The following NKX2-5 variants were observed in gnomAD, a reference collection of about 807,000 sequenced individuals.
The protein encoded by NKX2-5 is NK2 homeobox 5, also known as homeobox protein Nkx-2.5.
In NKX2-5, 3 loss-of-function variants were observed where a neutral mutation model predicts 24.5. That is an observed-to-expected ratio of 0.12 (90% CI 0.06 to 0.32). The LOEUF is 0.32. Among genes scored for constraint, NKX2-5 ranks in the 10% least tolerant of loss-of-function variants. NKX2-5 has a pLI of 1.00. For synonymous variants in NKX2-5, 215 were observed against 217.6 expected, an observed-to-expected ratio of 0.99 and a Z score of 0.11; for missense variants, 429 against 452.4, an observed-to-expected ratio of 0.95 and a Z score of 0.47.
At position 173,234,751 on chromosome 5, in the gene NKX2-5, T is replaced by C; in HGVS notation, c.333A>G (p.Lys111=). The change falls in exon 1 of 2, where the codon AAA becomes AAG. Residue 111 remains lysine, a splice_region_variant and synonymous_variant. Coordinates refer to ENST00000329198, the MANE Select transcript of NKX2-5 (RefSeq NM_004387.4). The stretch of plus-strand genomic sequence containing the variant: ...AGGGGGCCTGTGTTTCCTCCTCACC[T>C]TTCTTTTCGGCTCTAGGGTCCTTGG... ...DPAKDPRAEK[K]ELCALQKAVE... 1 of 1,519,588 alleles carries C rather than the reference T, an allele frequency of 6.6e-7. No homozygotes were observed. Among genetic ancestry groups the C allele is most frequent in the South Asian group, 1.3e-5 (1 of 76,280 alleles). The allele number at this position is 1,519,588 out of a possible 1,614,324, so 94.1% of individuals were successfully genotyped here. A position where few individuals can be genotyped will look rare whatever the true frequency, so the allele number is the denominator to read the frequency against.
intron 1 of NKX2-5, chr5:173,234,360 A>C: frequency 3.0e-4 from 277 of 938,542 alleles, no homozygotes; most frequent in Non-Finnish European, 3.2e-4. Context: ...AGCGGTTCTC[A>C]TCAGATCTTT....
chr5:173,234,617 A>G, intron 1 of NKX2-5, 133 bp downstream of exon 1: 1 of 779,172 alleles, frequency 1.3e-6, no homozygotes, highest in Non-Finnish European at 1.9e-6. Flanking sequence ...AACACCAGGC[A>G]TCTTACATTC....
chr5:173,233,449 C>T (rs1387273472), intron 1 of NKX2-5: 15 of 1,514,592 alleles, frequency 9.9e-6, no homozygotes, highest in African/African-American at 1.4e-5. Context: ...TCTCTGCCCT[C>T]GGGGCAGTTC....
In NKX2-5 at chr5:173,235,087, G is replaced by T. The variant is rs1357569433; in HGVS notation, c.-4C>A. Reference sequence around the variant, plus strand: ...TGAGAGCAGGGCTGGGGAACATGGTGGCAGCGCCAGTCTCACAGCGCCAGG... The same window carrying T: ...TGAGAGCAGGGCTGGGGAACATGGTTGCAGCGCCAGTCTCACAGCGCCAGG... On this transcript the variant is annotated 5_prime_UTR_variant, in exon 1 of 2. Transcript: ENST00000329198. 1.2e-6 allele frequency: 2 copies of T among 1,600,524 alleles called. No homozygotes were observed. The highest frequency in any genetic ancestry group is 2.2e-5 in the South Asian group (2 of 89,960).
intron 1 of NKX2-5, chr5:173,233,534 A>T (rs1436190015): frequency 5.8e-5 from 55 of 955,468 alleles, no homozygotes; most frequent in African/African-American, 9.8e-5. Flanking sequence ...TAAAAAAATA[A>T]AAAAATAAAA....
In NKX2-5 at chr5:173,232,255, T is replaced by C; in HGVS notation, c.*314A>G. 1 of 407,218 alleles carries C rather than the reference T, an allele frequency of 2.5e-6. No homozygotes were observed. The highest frequency in any genetic ancestry group is 4.4e-6 in the Non-Finnish European group (1 of 227,600). 25.2% of individuals were successfully genotyped at this position (407,218 alleles called of 1,614,324 possible). Reference sequence around the variant, plus strand: ...CTGGCTCGCGGAATGGGCGGCCAGATCTCAGGCCCTGCGTGCCCGAGCTCA... The same window carrying C: ...CTGGCTCGCGGAATGGGCGGCCAGACCTCAGGCCCTGCGTGCCCGAGCTCA... On this transcript the variant is annotated 3_prime_UTR_variant, in exon 2 of 2. Transcript: ENST00000329198. The surrounding 1 kb of genome is among the most constrained non-coding windows in gnomAD (Gnocchi z 5.9).
chr5:173,232,251 C>T lies in NKX2-5; in HGVS notation c.*318G>A. On this transcript the variant is annotated 3_prime_UTR_variant, in exon 2 of 2. Coordinates refer to ENST00000329198, the MANE Select transcript of NKX2-5 (RefSeq NM_004387.4). This position sits in a 1 kb window ranked among gnomAD's most constrained non-coding sequence, Gnocchi z 5.9. ...GGCCCTGGCTCGCGGAATGGGCGGCCAGATCTCAGGCCCTGCGTGCCCGAG... is the reference window on the plus strand; with the variant it reads ...GGCCCTGGCTCGCGGAATGGGCGGCTAGATCTCAGGCCCTGCGTGCCCGAG... 2.5e-6 allele frequency: 1 copy of T among 394,104 alleles called. No homozygotes were observed. Among genetic ancestry groups the T allele is most frequent in the Non-Finnish European group, 4.5e-6 (1 of 220,228 alleles). 24.4% of individuals were successfully genotyped at this position (394,104 alleles called of 1,614,324 possible).
chr5:173,232,850 C>T lies in NKX2-5; in HGVS notation c.694G>A (p.Gly232Arg), dbSNP rs1225707941. ...VLVRDGKPCLGDSAPYAPAYG... is the reference protein window; with the variant it reads ...VLVRDGKPCLRDSAPYAPAYG... ...GCAGGCGCGTAGGGCGCCGAGTCCC[C>T]TAGGCATGGCTTGCCATCGCGCACC... is the stretch of plus-strand genomic sequence containing the variant. Residue 232 changes from glycine to arginine, a missense_variant, in exon 2 of 2, where the codon GGG (glycine) becomes AGG (arginine). By Grantham distance (125) the Gly-to-Arg change is moderately radical. Around this residue, in one of 3 missense-constraint regions of NKX2-5, gnomAD observed 183 missense variants for 185.9 expected, o/e 0.98. Transcript: ENST00000329198. The surrounding 1 kb of genome is among the most constrained non-coding windows in gnomAD (Gnocchi z 5.9). 1 of 1,611,658 alleles carries T rather than the reference C, an allele frequency of 6.2e-7. No homozygotes were observed. Among genetic ancestry groups the T allele is most frequent in the Non-Finnish European group, 8.5e-7 (1 of 1,179,330 alleles).
intron 1 of NKX2-5, chr5:173,233,965 G>A: frequency 8.2e-7 from 1 of 1,213,490 alleles, no homozygotes; most frequent in Non-Finnish European, 1.0e-6. Context: ...TTGGGCTGGG[G>A]GGTCTCCCAG....
chr5:173,233,516 A>AG, intron 1 of NKX2-5: 1 of 819,152 alleles, frequency 1.2e-6, no homozygotes, highest in Non-Finnish European at 1.9e-6. Context: ...AAAAAAAAAA[A>AG]AAATAAATAA....
In NKX2-5 at chr5:173,233,064, C is replaced by G. The variant is rs757925015; in HGVS notation, c.480G>C (p.Gln160His). 6.2e-7 allele frequency: 1 copy of G among 1,603,624 alleles called. No homozygotes were observed. The highest frequency in any genetic ancestry group is 8.5e-7 in the Non-Finnish European group (1 of 1,175,744). Residue 160 changes from glutamine to histidine, a missense_variant, in exon 2 of 2, where the codon CAG (glutamine) becomes CAC (histidine). Gln to His is a conservative substitution (Grantham distance 24, BLOSUM62 0). Around this residue, in one of 3 missense-constraint regions of NKX2-5, gnomAD observed 240 missense variants for 240.4 expected, o/e 1.00. Coordinates refer to ENST00000329198, the MANE Select transcript of NKX2-5 (RefSeq NM_004387.4). Reference sequence around the variant, plus strand: ...CGCGTTCGGGGGCCGACAGGTACCGCTGCTGCTTGAAGCGCCGCTCCAGCT... The same window carrying G: ...CGCGTTCGGGGGCCGACAGGTACCGGTGCTGCTTGAAGCGCCGCTCCAGCT... ...VYELERRFKQ[Q>H]RYLSAPERDQ...
At position 173,234,860 on chromosome 5, in the gene NKX2-5, C is replaced by T. The variant is rs1363174603; in HGVS notation, c.224G>A (p.Arg75His). 6.3e-7 allele frequency: 1 copy of T among 1,589,850 alleles called. No homozygotes were observed. ...CGCACACTTGGCCGGTGAAGGCGCG[C>T]GGCCCAGCTCTGCGCGCAGCTCTGG... is the stretch of plus-strand genomic sequence containing the variant. ...GLPELRAELGRAPSPAKCASA... is the reference protein window; with the variant it reads ...GLPELRAELGHAPSPAKCASA... Residue 75 changes from arginine (R) to histidine (H), a missense_variant, in exon 1 of 2, where the codon CGC becomes CAC. This residue lies in a region of NKX2-5 where 240 missense variants were observed against 240.4 expected (regional missense o/e 1.00). Transcript: ENST00000329198.
At chr5:173,234,608 A>G in intron 1 of NKX2-5, 142 bp downstream of exon 1, 1 of 732,114 alleles carries the variant, frequency 1.4e-6, no homozygotes, top group Non-Finnish European at 2.0e-6. Flanking sequence ...CCTGGCGACA[A>G]CACCAGGCAT....
At position 173,232,730 on chromosome 5, in the gene NKX2-5, C is replaced by T; in HGVS notation, c.814G>A (p.Ala272Thr). The change falls in exon 2 of 2, where the codon GCC becomes ACC. Residue 272 changes from alanine (A) to threonine (T), a missense_variant. Physicochemically the swap from Ala to Thr is moderately conservative, Grantham distance 58. Coordinates refer to ENST00000329198, the MANE Select transcript of NKX2-5 (RefSeq NM_004387.4). This position sits in a 1 kb window ranked among gnomAD's most constrained non-coding sequence, Gnocchi z 5.9. ...GGGGAAGGCCCGGCGGGGTAAGCGG[C>T]AGTGCAGCTGTAGCCAGGGCTGCAG... ...AACSPGYSCT[A>T]AYPAGPSPAQ... The T allele has an allele frequency of 2.5e-6, 4 of 1,607,010 alleles. No homozygotes were observed. Among genetic ancestry groups the T allele is most frequent in the Non-Finnish European group, 3.4e-6 (4 of 1,176,602 alleles).
Position 173,232,902 on chromosome 5 carries a change from A to AGGCGGCGGC in NKX2-5, c.633_641dup (p.Pro212_Pro214dup), listed in dbSNP as rs746833511. The AGGCGGCGGC allele has an allele frequency of 6.2e-7, 1 of 1,603,422 alleles. No individual in the cohort carries two copies. The highest frequency in any genetic ancestry group is 1.7e-5 in the Admixed American group (1 of 58,876). ...GCACTGGCACCGCGATCCTGCGGGC[A>AGGCGGCGGC]GGCGGCGGCGGCGGCGGGGGCAGCC... On this transcript the variant is annotated inframe_insertion, in exon 2 of 2. Coordinates refer to ENST00000329198, the MANE Select transcript of NKX2-5 (RefSeq NM_004387.4). The surrounding 1 kb of genome is among the most constrained non-coding windows in gnomAD (Gnocchi z 5.9).
rs775565717 is a variant in NKX2-5 at position 173,233,133 on chromosome 5, C to T, written c.411G>A (p.Arg137=). The T allele has an allele frequency of 3.7e-6, 6 of 1,601,590 alleles. No individual in the cohort carries two copies. In the Admixed American group the frequency reaches 8.5e-5, roughly 23 times the overall value. ...ADNAERPRAR[R]RRKPRVLFSQ... ...AGAAGAGCACGCGCGGCTTCCTCCG[C>T]CGTCGCGCCCGGGGCCGCTCCGCGT... The change falls in exon 2 of 2, where the codon CGG becomes CGA. Residue 137 remains arginine (R), a synonymous_variant. Coordinates refer to ENST00000329198, the MANE Select transcript of NKX2-5 (RefSeq NM_004387.4).
rs773177452 is a variant in NKX2-5, at chr5:173,232,542, C to A, written c.*27G>T. On this transcript the variant is annotated 3_prime_UTR_variant, in exon 2 of 2. Coordinates refer to ENST00000329198, the MANE Select transcript of NKX2-5 (RefSeq NM_004387.4). This position sits in a 1 kb window ranked among gnomAD's most constrained non-coding sequence, Gnocchi z 5.9. ...AGGGAGCTGTTGAGGTGGGATCGGT[C>A]AGGGTCGCGCCACGCGGGTCCCTTC... is the stretch of plus-strand genomic sequence containing the variant. 57 of 1,601,508 alleles carry A rather than the reference C, an allele frequency of 3.6e-5. 2 individuals carry two copies. The South Asian group carries it at 6.0e-4, about 17-fold the overall frequency.
At chr5:173,233,298 G>T (rs1761369235) in intron 1 of NKX2-5, 89 bp from the exon 2 acceptor site, 1 of 1,544,972 alleles carries the variant, frequency 6.5e-7, no homozygotes, top group East Asian at 2.4e-5. Context: ...AGGGATCCTC[G>T]TGGAGGCCAC....
chr5:173,232,384 G>A lies in NKX2-5; in HGVS notation c.*185C>T, dbSNP rs977410059. On this transcript the variant is annotated 3_prime_UTR_variant, in exon 2 of 2. Coordinates refer to ENST00000329198, the MANE Select transcript of NKX2-5 (RefSeq NM_004387.4). The surrounding 1 kb of genome is among the most constrained non-coding windows in gnomAD (Gnocchi z 5.9). ...ATCACTCATTGCACGCTGCATAATC[G>A]CCGCCACAAACTCTCCCGTGCGCAA... 8.9e-7 allele frequency: 1 copy of A among 1,126,574 alleles called. No individual in the cohort carries two copies. Among genetic ancestry groups the A allele is most frequent in the Non-Finnish European group, 1.2e-6 (1 of 805,340 alleles). 69.8% of individuals were successfully genotyped at this position (1,126,574 alleles called of 1,614,324 possible). A position where few individuals can be genotyped will look rare whatever the true frequency, so the allele number is the denominator to read the frequency against.
Sources: gnomAD v4.1 joint callset for allele counts on GRCh38, gnomAD v4.1.1 for gene constraint, gnomAD v4.1.1 regional missense constraint, Gnocchi (gnomAD v3.1) non-coding constraint, MANE v1.5 for transcripts, NCBI Gene and HGNC (gene_info 2026-07-23, HGNC 2026-07-21) for gene names.